Variants in CFAP97 observed in about 807,000 individuals in gnomAD.
CFAP97 encodes cilia and flagella associated protein 97, also known as cilia- and flagella-associated protein 97.
Under a neutral mutation model 43.1 loss-of-function variants are expected in CFAP97, and 36 were observed. That is an observed-to-expected ratio of 0.84 (90% CI 0.64 to 1.10). CFAP97 has a LOEUF of 1.10. Among genes scored for constraint, CFAP97 ranks in the 50% least tolerant of loss-of-function variants. CFAP97 has a pLI of 0.00. For synonymous variants in CFAP97, 228 were observed against 225.7 expected, an observed-to-expected ratio of 1.01 and a Z score of -0.09; for missense variants, 657 against 620.3, an observed-to-expected ratio of 1.06 and a Z score of -0.63.
chr4:185,187,700 C>G (rs759082951), intron 2 of CFAP97, among the ~76,000 whole-genome samples: 16 of 151,536 alleles, frequency 1.1e-4, no homozygotes, highest in South Asian at 4.2e-4. Context: ...AAAAGGCCAG[C>G]AATATCCATA....
At position 185,190,175 on chromosome 4, in the gene CFAP97, T is replaced by C. The variant is rs757280079; in HGVS notation, c.1022A>G (p.His341Arg). 3.8e-6 allele frequency: 6 copies of C among 1,593,600 alleles called. No individual in the cohort carries two copies. The highest frequency in any genetic ancestry group is 5.1e-6 in the Non-Finnish European group (6 of 1,171,592). The change falls in exon 2 of 5, where the codon CAT becomes CGT. Residue 341 changes from histidine (H) to arginine (R), a missense_variant. Transcript: ENST00000458385. ...LDHRHKQKVL[H>R]DTMDLNHLLK... ...GAGATGATTCAGATCCATTGTGTCA[T>C]GTAAGACTTTCTGTTTATGTCTGTG...
In CFAP97 at chr4:185,162,833, G is replaced by A. The variant is rs764696170; in HGVS notation, c.1564C>T (p.Pro522Ser). The change falls in exon 5 of 5, where the codon CCT (proline) becomes TCT (serine). Residue 522 changes from proline to serine, a missense_variant. Physicochemically the swap from Pro to Ser is moderately conservative, Grantham distance 74. Coordinates refer to ENST00000458385, the MANE Select transcript of CFAP97 (RefSeq NM_020827.3). ...GCTGTACGGACATTAGGGGGTTTAG[G>A]TCTTCTTCGAGGGTGGCCACTGGAG... is the stretch of plus-strand genomic sequence containing the variant. ...DPSSGHPRRR[P>S]KPPNVRTAWL 6.2e-7 allele frequency: 1 copy of A among 1,612,900 alleles called. No homozygotes were observed. The highest frequency in any genetic ancestry group is 8.5e-7 in the Non-Finnish European group (1 of 1,179,506).
upstream of CFAP97, among the ~76,000 whole-genome samples, chr4:185,205,260 CCTGA>C (rs2111444812): frequency 6.6e-6 from 1 of 152,226 alleles, no homozygotes; most frequent in African/African-American, 2.4e-5. Context: ...TCAAGACCAG[CCTGA>C]CTAATATGGT....
chr4:185,191,482 T>C (rs1017213862), intron 1 of CFAP97, among the ~76,000 whole-genome samples: 5 of 152,174 alleles, frequency 3.3e-5, no homozygotes, highest in African/African-American at 1.2e-4. Context: ...GTCACAAACA[T>C]GGATACCTAA....
chr4:185,196,216 G>GTA (rs1736536342), intron 1 of CFAP97, among the ~76,000 whole-genome samples: 1 of 152,190 alleles, frequency 6.6e-6, no homozygotes. Flanking sequence ...GCTCACGCCT[G>GTA]TAATCCCAGC....
chr4:185,161,875 G>C lies in CFAP97; in HGVS notation c.*923C>G, dbSNP rs979553047. The C allele has an allele frequency of 6.6e-6, 1 of 151,940 alleles. No individual in the cohort carries two copies. Among genetic ancestry groups the C allele is most frequent in the African/African-American group, 2.4e-5 (1 of 41,344 alleles). 9.4% of individuals were successfully genotyped at this position (151,940 alleles called of 1,614,324 possible). On this transcript the variant is annotated 3_prime_UTR_variant, in exon 5 of 5. Coordinates refer to ENST00000458385, the MANE Select transcript of CFAP97 (RefSeq NM_020827.3). ...AATTTCTAAAGCATTTCTTTCTTACGCTAAGTCTTCTCTAATAACATAATA... is the reference window on the plus strand; with the variant it reads ...AATTTCTAAAGCATTTCTTTCTTACCCTAAGTCTTCTCTAATAACATAATA...
intron 3 of CFAP97, among the ~76,000 whole-genome samples, chr4:185,166,450 G>A (rs1044700069): frequency 6.6e-6 from 1 of 152,150 alleles, no homozygotes; most frequent in Non-Finnish European, 1.5e-5. Context: ...GGCATTTTCA[G>A]TTATCTTTCA....
At chr4:185,179,581 G>T (rs1735701869) in intron 2 of CFAP97, among the ~76,000 whole-genome samples, 2 of 152,266 alleles carry the variant, frequency 1.3e-5, no homozygotes, top group South Asian at 4.2e-4. Flanking sequence ...AGGAAGCCAG[G>T]CCACATGGAG....
chr4:185,197,102 T>TTAAA (rs1235108095), intron 1 of CFAP97, among the ~76,000 whole-genome samples: 7 of 86,780 alleles, frequency 8.1e-5, no homozygotes, highest in African/African-American at 2.9e-4. Context: ...CCCTCTTAAT[T>TTAAA]AAAAAAAAAA....
rs1468738368 is a variant in CFAP97, at chr4:185,175,927, C to G, written c.1179G>C (p.Arg393Ser). 6.2e-7 allele frequency: 1 copy of G among 1,613,734 alleles called. No individual in the cohort carries two copies. The highest frequency in any genetic ancestry group is 1.3e-5 in the African/African-American group (1 of 74,886). ...CCTGTCTTGACAGTTCTTTCAAAAG[C>G]CTCTGATTTTCCCGATCGATCTGTC... ...EVRQIDRENQ[R>S]LLKELSRQAE... is the part of the protein sequence containing the mutation. The change falls in exon 3 of 5, where the codon AGG becomes AGC. Residue 393 changes from arginine to serine, a missense_variant. Physicochemically the swap from Arg to Ser is moderately radical, Grantham distance 110. Transcript: ENST00000458385.
At position 185,190,140 on chromosome 4, in the gene CFAP97, T is replaced by G. The variant is rs759120701; in HGVS notation, c.1054+3A>C. On this transcript the variant is annotated splice_donor_region_variant and intron_variant, in intron 2 of 4. Transcript: ENST00000458385. ...CACATTTTTAAGAAGAAAAGAAAAT[T>G]ACCTTTCAAGAGATGATTCAGATCC... 1.3e-6 allele frequency: 2 copies of G among 1,537,324 alleles called. No individual in the cohort carries two copies. The highest frequency in any genetic ancestry group is 1.8e-6 in the Non-Finnish European group (2 of 1,141,086).
At chr4:185,180,935 A>C (rs1256867932) in intron 2 of CFAP97, among the ~76,000 whole-genome samples, 1 of 152,154 alleles carries the variant, frequency 6.6e-6, no homozygotes, top group Non-Finnish European at 1.5e-5. Context: ...ACCAATAGTT[A>C]CCATGCTAGA....
chr4:185,162,821 T>C lies in CFAP97; in HGVS notation c.1576A>G (p.Asn526Asp). 1 of 1,613,004 alleles carries C rather than the reference T, an allele frequency of 6.2e-7. No homozygotes were observed. Among genetic ancestry groups the C allele is most frequent in the South Asian group, 1.1e-5 (1 of 90,688 alleles). The change falls in exon 5 of 5, where the codon AAT (asparagine) becomes GAT (aspartate). Residue 526 changes from asparagine (N) to aspartate (D), a missense_variant. Physicochemically the swap from Asn to Asp is conservative, Grantham distance 23. Coordinates refer to ENST00000458385, the MANE Select transcript of CFAP97 (RefSeq NM_020827.3). ...GHPRRRPKPP[N>D]VRTAWL Reference sequence around the variant, plus strand: ...TTTTATAACCAAGCTGTACGGACATTAGGGGGTTTAGGTCTTCTTCGAGGG... The same window carrying C: ...TTTTATAACCAAGCTGTACGGACATCAGGGGGTTTAGGTCTTCTTCGAGGG...
chr4:185,176,919 C>G (rs540276177), intron 2 of CFAP97, among the ~76,000 whole-genome samples: 1 of 152,128 alleles, frequency 6.6e-6, no homozygotes, highest in African/African-American at 2.4e-5. Flanking sequence ...CTGTAAAAGT[C>G]AAACATTTTA....
At chr4:185,193,244 A>G (rs1736380445) in intron 1 of CFAP97, among the ~76,000 whole-genome samples, 1 of 152,258 alleles carries the variant, frequency 6.6e-6, no homozygotes, top group South Asian at 2.1e-4. Flanking sequence ...ACAATTCAGC[A>G]TTGAAAAAGA....
chr4:185,163,667 C>T (rs1734957112), intron 4 of CFAP97, among the ~76,000 whole-genome samples: 1 of 152,040 alleles, frequency 6.6e-6, no homozygotes, highest in South Asian at 2.1e-4. Context: ...CATATAAGGG[C>T]TGGAGGCTAT....
intron 2 of CFAP97, among the ~76,000 whole-genome samples, chr4:185,184,231 G>T (rs1320063056): frequency 6.6e-6 from 1 of 152,148 alleles, no homozygotes; most frequent in Non-Finnish European, 1.5e-5. Flanking sequence ...GTATCCCTGG[G>T]TTAACCGTAT....
At chr4:185,199,321 C>T (rs3112880) in intron 1 of CFAP97, among the ~76,000 whole-genome samples, 1 of 151,456 alleles carries the variant, frequency 6.6e-6, no homozygotes, top group South Asian at 2.1e-4. Flanking sequence ...CAGTGAGCCG[C>T]GATCCGGCCA....
chr4:185,190,666 TAAAG>T lies in CFAP97; in HGVS notation c.527_530del (p.Ser176TyrfsTer13). On this transcript the variant is annotated frameshift_variant, in exon 2 of 5. Transcript: ENST00000458385. LOFTEE classifies it high-confidence loss of function. Reference sequence around the variant, plus strand: ...TACCTGAACCTGAAGATGAGGAAGATAAAGAGGAGGAGGAAGAGGAGCTAACTTT... The same window carrying T: ...TACCTGAACCTGAAGATGAGGAAGATAGGAGGAGGAAGAGGAGCTAACTTT... The T allele has an allele frequency of 6.3e-7, 1 of 1,578,908 alleles. No individual in the cohort carries two copies. The highest frequency in any genetic ancestry group is 2.3e-5 in the East Asian group (1 of 43,786).
Sources: allele counts gnomAD v4.1 joint callset (sites outside exome capture counted in the v4.1 genomes callset), GRCh38; gene constraint gnomAD v4.1.1; transcripts MANE v1.5; gene names NCBI Gene and HGNC (gene_info 2026-07-23, HGNC 2026-07-21).